Variants in CFAP119 observed in about 807,000 individuals in gnomAD.
CFAP119 encodes the protein cilia- and flagella-associated protein 119.
the CFAP119 span, chr16:30,759,473 C>A: frequency 6.2e-7 from 1 of 1,613,978 alleles, no homozygotes; most frequent in Non-Finnish European, 8.5e-7. Context: ...GGTGGTGACT[C>A]GGAATTAGAA....
chr16:30,759,306 G>A, the CFAP119 span: 1 of 1,612,684 alleles, frequency 6.2e-7, no homozygotes, highest in Non-Finnish European at 8.5e-7. Context: ...GGGAGGGGCG[G>A]TTGAGGGTGG....
At chr16:30,758,874 T>G in the CFAP119 span, 1 of 1,419,650 alleles carries the variant, frequency 7.0e-7, no homozygotes, top group African/African-American at 1.4e-5. Flanking sequence ...ATCTGTCATC[T>G]TGGACTTCTG....
the CFAP119 span, chr16:30,757,636 C>T: frequency 6.8e-4 from 1,099 of 1,613,254 alleles, 9 homozygotes; most frequent in South Asian, 0.01. Context: ...GATGTAGGCT[C>T]GGAGGACGTG....
At chr16:30,760,481 A>C in the CFAP119 span, 4 of 1,612,952 alleles carry the variant, frequency 2.5e-6, no homozygotes, top group Non-Finnish European at 2.5e-6. Context: ...AGTGAGTGAC[A>C]ACTGGGCCTC....
chr16:30,761,836 C>T, the CFAP119 span: 2 of 1,291,766 alleles, frequency 1.5e-6, no homozygotes, highest in East Asian at 5.2e-5. Flanking sequence ...GCTACCAAGG[C>T]CGGGCCCGTT....
At chr16:30,760,618 G>C in the CFAP119 span, 1 of 1,557,714 alleles carries the variant, frequency 6.4e-7, no homozygotes. Flanking sequence ...CCTCATCTCA[G>C]CATTGGTGGT....
At chr16:30,757,862 C>A in the CFAP119 span, 1 of 1,357,934 alleles carries the variant, frequency 7.4e-7, no homozygotes. Flanking sequence ...GCTTCAAATT[C>A]TGATCCCTAC....
At chr16:30,761,167 T>G in the CFAP119 span, 1 of 1,611,684 alleles carries the variant, frequency 6.2e-7, no homozygotes. Context: ...AACGCAAATA[T>G]TCAGTGTAAT....
chr16:30,759,132 C>A, the CFAP119 span: 1 of 1,614,090 alleles, frequency 6.2e-7, no homozygotes, highest in African/African-American at 1.3e-5. Flanking sequence ...GAGACTGTGG[C>A]CCCAGGCCTG....
At chr16:30,759,099 T>G in the CFAP119 span, 6 of 1,614,188 alleles carry the variant, frequency 3.7e-6, no homozygotes, top group Non-Finnish European at 5.1e-6. Flanking sequence ...CTTTCTTCTT[T>G]CTCTGCAAAC....
the CFAP119 span, chr16:30,760,535 T>C: frequency 6.2e-7 from 1 of 1,603,352 alleles, no homozygotes; most frequent in Non-Finnish European, 8.5e-7. Flanking sequence ...AGTCAGCCAT[T>C]CCTCATGTTT....
At chr16:30,757,708 G>C in the CFAP119 span, 3 of 1,553,358 alleles carry the variant, frequency 1.9e-6, no homozygotes, top group Non-Finnish European at 2.6e-6. Context: ...TCTGGCAATG[G>C]GGGGATGGTC....
chr16:30,761,391 A>T, the CFAP119 span: 1 of 1,387,856 alleles, frequency 7.2e-7, no homozygotes, highest in East Asian at 2.4e-5. Flanking sequence ...GCTCTACGCG[A>T]GCACAGTAAC....
the CFAP119 span, chr16:30,759,929 G>A: frequency 1.9e-4 from 279 of 1,438,908 alleles, no homozygotes; most frequent in South Asian, 3.9e-3. Flanking sequence ...AGACAGACAA[G>A]GTCCTGCCCT....
At chr16:30,761,277 C>T in the CFAP119 span, 1 of 1,612,586 alleles carries the variant, frequency 6.2e-7, no homozygotes, top group African/African-American at 1.3e-5. Flanking sequence ...TGTCCTGGCC[C>T]GTAGCGAATC....
At chr16:30,759,300 G>T in the CFAP119 span, 1 of 1,612,858 alleles carries the variant, frequency 6.2e-7, no homozygotes, top group Non-Finnish European at 8.5e-7. Flanking sequence ...GCTGAGGGGA[G>T]GGGCGGTTGA....
chr16:30,761,574 C>A, the CFAP119 span: 3 of 1,536,176 alleles, frequency 2.0e-6, no homozygotes, highest in Non-Finnish European at 2.6e-6. Flanking sequence ...GGGTCTTCAT[C>A]CGCTTTCGCC....
chr16:30,759,751 T>C, the CFAP119 span: 1 of 1,587,978 alleles, frequency 6.3e-7, no homozygotes, highest in Non-Finnish European at 8.6e-7. Context: ...GATGCAGCAG[T>C]GAGGCCCTCT....
At chr16:30,758,116 G>A in the CFAP119 span, 1 of 148,730 alleles carries the variant, frequency 6.7e-6, no homozygotes, top group Non-Finnish European at 1.5e-5. Flanking sequence ...TTATCCCCCA[G>A]GCTGGAGTGC....
Sources: allele counts gnomAD v4.1 joint callset, GRCh38; gene constraint gnomAD v4.1.1; transcripts MANE v1.5; gene names NCBI Gene and HGNC (gene_info 2026-07-23, HGNC 2026-07-21).